Variants in CPA6 observed in about 807,000 individuals in gnomAD.
The protein encoded by CPA6 is carboxypeptidase A6, also known as carboxypeptidase B.
A neutral mutation model predicts 63.3 loss-of-function variants in CPA6; 58 were observed. The ratio of observed to expected loss-of-function variants is 0.92; its 90% CI spans 0.74 to 1.14. The LOEUF (loss-of-function observed/expected upper bound fraction) is 1.14, where lower values mean the gene tolerates loss of function less well. Among genes scored for constraint, CPA6 ranks in the 50% most tolerant of loss-of-function variants. The pLI is 0.00. For synonymous variants in CPA6, 185 were observed against 179.0 expected, an observed-to-expected ratio of 1.03 and a Z score of -0.27; for missense variants, 565 against 526.6, an observed-to-expected ratio of 1.07 and a Z score of -0.71.
intron 6 of CPA6, among the ~76,000 whole-genome samples, chr8:67,498,253 A>T (rs902209771): frequency 5.3e-5 from 8 of 152,078 alleles, no homozygotes; most frequent in African/African-American, 1.9e-4. Context: ...AAGAAACTTT[A>T]GGTTGGACAT....
At chr8:67,544,381 G>A (rs1049040708) in intron 2 of CPA6, among the ~76,000 whole-genome samples, 2 of 152,120 alleles carry the variant, frequency 1.3e-5, no homozygotes, top group Non-Finnish European at 2.9e-5. Flanking sequence ...GGCATCTCTG[G>A]AGCACCCATT....
chr8:67,579,941 C>A (rs1172931508), intron 2 of CPA6, among the ~76,000 whole-genome samples: 4 of 152,116 alleles, frequency 2.6e-5, no homozygotes, highest in Admixed American at 2.0e-4. Context: ...GTTTGTTAAC[C>A]CTCTTTTTTT....
chr8:67,625,891 A>G (rs1249033703), intron 1 of CPA6, among the ~76,000 whole-genome samples: 2 of 152,144 alleles, frequency 1.3e-5, no homozygotes, highest in African/African-American at 4.8e-5. Flanking sequence ...TTGTGTCCCC[A>G]CCCAAATCTC....
intron 8 of CPA6, 45 bp downstream of exon 8, chr8:67,483,723 C>T: frequency 1.3e-6 from 2 of 1,527,204 alleles, no homozygotes; most frequent in Non-Finnish European, 1.8e-6. Context: ...AGAGTAAAAC[C>T]TGCAGAAACC....
intron 1 of CPA6, among the ~76,000 whole-genome samples, chr8:67,683,186 A>G (rs1308928435): frequency 6.6e-6 from 1 of 152,188 alleles, no homozygotes; most frequent in Non-Finnish European, 1.5e-5. Context: ...CTGATGTTCC[A>G]TATTTGAAAC....
At chr8:67,641,840 T>C (rs889946645) in intron 1 of CPA6, among the ~76,000 whole-genome samples, 20 of 152,102 alleles carry the variant, frequency 1.3e-4, no homozygotes, top group Admixed American at 1.3e-4. Context: ...GTAACAGTTA[T>C]AAAACTAGTG....
intron 8 of CPA6, among the ~76,000 whole-genome samples, chr8:67,482,146 C>A (rs1438746871): frequency 6.6e-6 from 1 of 151,228 alleles, no homozygotes; most frequent in African/African-American, 2.4e-5. Context: ...GGAAGCAAGA[C>A]CTTACTTGCA....
intron 2 of CPA6, among the ~76,000 whole-genome samples, chr8:67,581,931 G>A (rs1813783287): frequency 6.6e-6 from 1 of 152,140 alleles, no homozygotes; most frequent in South Asian, 2.1e-4. Flanking sequence ...GGGGTGGGGT[G>A]TTGAGGGGGT....
chr8:67,709,823 T>G (rs1817216439), intron 1 of CPA6, among the ~76,000 whole-genome samples: 1 of 152,088 alleles, frequency 6.6e-6, no homozygotes, highest in South Asian at 2.1e-4. Flanking sequence ...GATTAAAAGA[T>G]TTTCTGGCTC....
chr8:67,741,631 C>G (rs1817914731), intron 1 of CPA6, among the ~76,000 whole-genome samples: 1 of 152,112 alleles, frequency 6.6e-6, no homozygotes, highest in South Asian at 2.1e-4. Flanking sequence ...GAGCGAGAAC[C>G]CTATTGTGAA....
chr8:67,560,466 C>T (rs957200139), intron 2 of CPA6, among the ~76,000 whole-genome samples: 1 of 152,150 alleles, frequency 6.6e-6, no homozygotes, highest in Non-Finnish European at 1.5e-5. Flanking sequence ...TTGATCTTCA[C>T]AGAGGCACAG....
chr8:67,473,089 A>G (rs1811099647), intron 8 of CPA6, among the ~76,000 whole-genome samples: 1 of 152,264 alleles, frequency 6.6e-6, no homozygotes, highest in African/African-American at 2.4e-5. Flanking sequence ...CAACTTAACA[A>G]AAGATAGAAT....
chr8:67,644,179 C>A (rs1032324454), intron 1 of CPA6, among the ~76,000 whole-genome samples: 1 of 150,884 alleles, frequency 6.6e-6, no homozygotes, highest in Non-Finnish European at 1.5e-5. Context: ...AGTGCAGTGG[C>A]GCCATTTCGG....
intron 10 of CPA6, among the ~76,000 whole-genome samples, chr8:67,423,734 C>G (rs953102577): frequency 6.6e-6 from 1 of 152,202 alleles, no homozygotes; most frequent in African/African-American, 2.4e-5. Context: ...GCTGTAGGTT[C>G]CTTTTCTAGT....
At chr8:67,430,129 A>ATGTG (rs1445523416) in intron 9 of CPA6, among the ~76,000 whole-genome samples, 33 of 120,840 alleles carry the variant, frequency 2.7e-4, no homozygotes, top group Admixed American at 1.4e-3. Context: ...TGGTATATAT[A>ATGTG]TATGTGTGTG....
At chr8:67,524,034 T>G (rs1812312239) in intron 2 of CPA6, among the ~76,000 whole-genome samples, 1 of 152,250 alleles carries the variant, frequency 6.6e-6, no homozygotes, top group African/African-American at 2.4e-5. Flanking sequence ...AGTGTTTAAT[T>G]TAGACAATCA....
intron 1 of CPA6, among the ~76,000 whole-genome samples, chr8:67,719,451 G>A (rs767042959): frequency 2.0e-5 from 3 of 152,106 alleles, no homozygotes; most frequent in African/African-American, 4.8e-5. Flanking sequence ...AAATTAAAGG[G>A]GAAAGGCAAG....
At chr8:67,675,156 C>A (rs1005976526) in intron 1 of CPA6, among the ~76,000 whole-genome samples, 1 of 152,102 alleles carries the variant, frequency 6.6e-6, no homozygotes, top group African/African-American at 2.4e-5. Context: ...ATGTAACAAA[C>A]CTGCACAGGT....
At chr8:67,727,743 C>A (rs937083721) in intron 1 of CPA6, among the ~76,000 whole-genome samples, 1 of 152,152 alleles carries the variant, frequency 6.6e-6, no homozygotes. Flanking sequence ...AGGACTTGTC[C>A]ACAAACTATT....
Sources: allele counts gnomAD v4.1 joint callset (sites outside exome capture counted in the v4.1 genomes callset), GRCh38; gene constraint gnomAD v4.1.1; transcripts MANE v1.5; gene names NCBI Gene and HGNC (gene_info 2026-07-23, HGNC 2026-07-21).